P3H1: variants seen among roughly 807,000 people sequenced by gnomAD.
The protein encoded by P3H1 is growth suppressor 1.
In P3H1, 69 loss-of-function variants were observed where a neutral mutation model predicts 84.0. The ratio of observed to expected loss-of-function variants is 0.82; its 90% confidence interval spans 0.68 to 1.00. The LOEUF (loss-of-function observed/expected upper bound fraction) is 1.00. P3H1 is among the 50% of genes least tolerant of loss of function. The pLI is 0.00. For missense variants in P3H1, 878 were observed against 962.8 expected, an observed-to-expected ratio of 0.91 and a Z score of 1.17; for synonymous variants, 366 against 388.8, an observed-to-expected ratio of 0.94 and a Z score of 0.69.
Position 42,750,391 on chromosome 1 carries a change from GTGTCCCT to G in P3H1, c.1570-62_1570-56del. The G allele has an allele frequency of 1.9e-6, 3 of 1,600,504 alleles. No individual in the cohort carries two copies. The South Asian group carries it at 3.3e-5, about 18-fold the overall frequency. ...TCAACGACTGATATGGTTTGGCTCT[GTGTCCCT>G]ACCCAAATCTTATCTTGTAGTTCCC... is the stretch of plus-strand genomic sequence containing the variant. On this transcript the variant is annotated intron_variant, in intron 10 of 14. Transcript: ENST00000296388.
chr1:42,754,926 T>C lies in P3H1; in HGVS notation c.1288A>G (p.Thr430Ala), dbSNP rs1269957325. 2 of 1,614,078 alleles carry C rather than the reference T, an allele frequency of 1.2e-6. 1 individual carries two copies. The highest frequency in any genetic ancestry group is 2.2e-5 in the South Asian group (2 of 91,076). ...EIGNLMKEIE[T>A]LVEEKTKESL... ...TCCTTGGTCTTCTCTTCCACAAGGG[T>C]CTCGATTTCCTTCATAAGGTTCCCA... Residue 430 changes from threonine (T) to alanine (A), a missense_variant, in exon 8 of 15, where the codon ACC (threonine) becomes GCC (alanine). Transcript: ENST00000296388. This position sits in a 1 kb window ranked among gnomAD's most constrained non-coding sequence, Gnocchi z 4.0.
intron 4 of P3H1, among the ~76,000 whole-genome samples, chr1:42,758,343 C>G (rs1340925991): frequency 6.6e-6 from 1 of 152,176 alleles, no homozygotes; most frequent in African/African-American, 2.4e-5. Flanking sequence ...AGCAGATTGT[C>G]TCTTTGGCAA....
At chr1:42,764,166 T>C (rs934173472) in intron 1 of P3H1, among the ~76,000 whole-genome samples, 9 of 151,046 alleles carry the variant, frequency 6.0e-5, no homozygotes, top group Non-Finnish European at 1.2e-4. Flanking sequence ...GGCTCACGCC[T>C]GTAATCCCGC....
Position 42,746,464 on chromosome 1 carries a change from TG to T in P3H1, c.*232del, listed in dbSNP as rs1226609556. 1.5e-5 allele frequency: 9 copies of T among 582,734 alleles called. No individual in the cohort carries two copies. The highest frequency in any genetic ancestry group is 2.8e-5 in the Non-Finnish European group (9 of 327,006). The allele number at this position is 582,734 out of a possible 1,614,324, so 36.1% of individuals were successfully genotyped here. A position where few individuals can be genotyped will look rare whatever the true frequency, so the allele number is the denominator to read the frequency against. ...TCATGCAGCGGCCTGTGGAGGCCCC[TG>T]GGGGTGGCTGGGCCTGTGTCCTGAG... On this transcript the variant is annotated 3_prime_UTR_variant, in exon 15 of 15. Coordinates refer to ENST00000296388, the MANE Select transcript of P3H1 (RefSeq NM_022356.4).
At chr1:42,765,195 A>AT (rs1054523229) in intron 1 of P3H1, among the ~76,000 whole-genome samples, 2 of 151,928 alleles carry the variant, frequency 1.3e-5, no homozygotes, top group Non-Finnish European at 2.9e-5. Context: ...ACAAGAGTTC[A>AT]TTTTTTTTCC....
chr1:42,755,465 T>A, intron 6 of P3H1, 83 bp downstream of exon 6: 1 of 1,251,646 alleles, frequency 8.0e-7, no homozygotes, highest in East Asian at 2.3e-5. Context: ...TCTCTCAGAA[T>A]CGCACAGTGT....
In P3H1 at chr1:42,754,273, G is replaced by T. The variant is rs1336319565; in HGVS notation, c.1345+596C>A. Among the ~76,000 whole-genome samples, 2 of 152,268 alleles carry T rather than the reference G, an allele frequency of 1.3e-5. No individual in the cohort carries two copies. The highest frequency in any genetic ancestry group is 4.8e-5 in the African/African-American group (2 of 41,550). On this transcript the variant is annotated intron_variant, in intron 8 of 14. Transcript: ENST00000296388. This position sits in a 1 kb window ranked among gnomAD's most constrained non-coding sequence, Gnocchi z 4.0. Reference sequence around the variant, plus strand: ...GCCTGAGGCAATGAAAAACGGAAAAGGCTGGGGAGAGAGCTGAGAAGCACT... The same window carrying T: ...GCCTGAGGCAATGAAAAACGGAAAATGCTGGGGAGAGAGCTGAGAAGCACT...
At chr1:42,766,430 C>G in intron 1 of P3H1, 77 bp downstream of exon 1, 2 of 1,324,398 alleles carry the variant, frequency 1.5e-6, no homozygotes, top group Non-Finnish European at 2.1e-6. Flanking sequence ...TCCCCGATCC[C>G]CCAAGCTCCT....
intron 2 of P3H1, 39 bp downstream of exon 2, chr1:42,762,284 A>AAAAG (rs771969511): frequency 6.9e-6 from 11 of 1,603,734 alleles, no homozygotes; most frequent in East Asian, 2.2e-5. Context: ...AATAAATTTA[A>AAAAG]AAAGAAAGAA....
At chr1:42,748,387 G>T in intron 11 of P3H1, 70 bp from the exon 12 acceptor site, 1 of 1,194,210 alleles carries the variant, frequency 8.4e-7, no homozygotes, top group Non-Finnish European at 1.2e-6. Context: ...TCTTGGCAGG[G>T]GAGGTGCTTC....
Position 42,754,739 on chromosome 1 carries a change from T to G in P3H1, c.1345+130A>C. On this transcript the variant is annotated intron_variant, in intron 8 of 14. Transcript: ENST00000296388. This position sits in a 1 kb window ranked among gnomAD's most constrained non-coding sequence, Gnocchi z 4.0. ...GAGTTAGGAAGGATGTCCACTGAACTTGCACCCTAAGGGTGGCTGGCTCAT... is the reference window on the plus strand; with the variant it reads ...GAGTTAGGAAGGATGTCCACTGAACGTGCACCCTAAGGGTGGCTGGCTCAT... 2 of 1,192,442 alleles carry G rather than the reference T, an allele frequency of 1.7e-6. No individual in the cohort carries two copies. Among genetic ancestry groups the G allele is most frequent in the Non-Finnish European group, 2.5e-6 (2 of 813,716 alleles). 73.9% of individuals were successfully genotyped at this position (1,192,442 alleles called of 1,614,324 possible).
At chr1:42,763,604 G>T (rs188031172) in intron 1 of P3H1, among the ~76,000 whole-genome samples, 3 of 148,420 alleles carry the variant, frequency 2.0e-5, no homozygotes, top group Non-Finnish European at 4.5e-5. Flanking sequence ...CCCGGGAGGC[G>T]GAGGTTACAG....
At chr1:42,749,318 T>C (rs1651904051) in intron 11 of P3H1, among the ~76,000 whole-genome samples, 1 of 152,210 alleles carries the variant, frequency 6.6e-6, no homozygotes, top group South Asian at 2.1e-4. Context: ...CCCTCTGATC[T>C]GTGCCACGTA....
chr1:42,759,035 A>C, intron 3 of P3H1, 52 bp from the exon 4 acceptor site: 1 of 1,611,016 alleles, frequency 6.2e-7, no homozygotes, highest in Non-Finnish European at 8.5e-7. Context: ...TTTAGAACTC[A>C]AATTCTGGTT....
At chr1:42,749,864 C>G (rs954121979) in intron 11 of P3H1, 26 of 375,032 alleles carry the variant, frequency 6.9e-5, no homozygotes, top group African/African-American at 5.3e-4. Flanking sequence ...GTATGAAACC[C>G]TAACCCGGAG....
At position 42,747,255 on chromosome 1, in the gene P3H1, G is replaced by A. The variant is rs67014447; in HGVS notation, c.2055+17C>T. 74,318 of 1,613,442 alleles carry A rather than the reference G, an allele frequency of 0.046. 2,196 individuals are homozygous for A. The highest frequency in any genetic ancestry group is 0.14 in the African/African-American group (10,138 of 74,974). On this transcript the variant is annotated intron_variant, in intron 14 of 14. Coordinates refer to ENST00000296388, the MANE Select transcript of P3H1 (RefSeq NM_022356.4). Reference sequence around the variant, plus strand: ...ACCACAGCACCAGCTGCTCTCACCCGCTCGAGCTGCTCTCACCCGCTCGCT... The same window carrying A: ...ACCACAGCACCAGCTGCTCTCACCCACTCGAGCTGCTCTCACCCGCTCGCT...
At chr1:42,764,423 C>CAAAAAAAAAAAAA (rs769981372) in intron 1 of P3H1, among the ~76,000 whole-genome samples, 11 of 84,864 alleles carry the variant, frequency 1.3e-4, no homozygotes, top group Non-Finnish European at 1.9e-4. Context: ...GACTCCATCT[C>CAAAAAAAAAAAAA]AAAAAAAAAA....
Position 42,746,624 on chromosome 1 carries a change from G to A in P3H1, c.*73C>T, listed in dbSNP as rs137853891. ...GGCTCACTGCTCTGCAGCCCCGAGG[G>A]GCTGGCCAGCTCAGAGTGCAGAAGA... On this transcript the variant is annotated 3_prime_UTR_variant, in exon 15 of 15. Transcript: ENST00000296388. 7.7e-7 allele frequency: 1 copy of A among 1,298,338 alleles called. No individual in the cohort carries two copies. Among genetic ancestry groups the A allele is most frequent in the Non-Finnish European group, 1.1e-6 (1 of 918,332 alleles). 80.4% of individuals were successfully genotyped at this position (1,298,338 alleles called of 1,614,324 possible).
intron 2 of P3H1, 82 bp from the exon 3 acceptor site, chr1:42,759,472 C>A: frequency 8.2e-7 from 1 of 1,224,124 alleles, no homozygotes; most frequent in Non-Finnish European, 1.2e-6. Flanking sequence ...TCACAGGGGT[C>A]CTAATTTCCT....
Sources: allele counts gnomAD v4.1 joint callset (sites outside exome capture counted in the v4.1 genomes callset), GRCh38; gene constraint gnomAD v4.1.1; non-coding constraint Gnocchi (gnomAD v3.1); transcripts MANE v1.5; gene names NCBI Gene and HGNC (gene_info 2026-07-23, HGNC 2026-07-21).